Variants in PLEKHA5 observed in about 807,000 individuals in gnomAD.
The protein encoded by PLEKHA5 is pleckstrin homology domain containing A5, also known as pleckstrin homology domain-containing family A member 5.
A neutral mutation model predicts 181.9 loss-of-function variants in PLEKHA5; 55 were observed. The ratio of observed to expected loss-of-function variants is 0.30; its 90% CI spans 0.24 to 0.38. The LOEUF is 0.38. Among genes scored for constraint, PLEKHA5 ranks in the 10% least tolerant of loss-of-function variants. The pLI is 1.00. For missense variants in PLEKHA5, 1,432 were observed against 1,549.5 expected (o/e 0.92, Z 1.27); for synonymous variants, 535 against 529.4 (o/e 1.01, Z -0.15).
chr12:19,256,299 G>A (rs536593015), intron 5 of PLEKHA5, among the ~76,000 whole-genome samples: 2 of 152,286 alleles, frequency 1.3e-5, no homozygotes, highest in Admixed American at 6.5e-5. Flanking sequence ...TGGGTAAATA[G>A]GCATTCGGTT....
chr12:19,331,466 A>G (rs1301868725), intron 20 of PLEKHA5, among the ~76,000 whole-genome samples: 1 of 152,120 alleles, frequency 6.6e-6, no homozygotes, highest in Non-Finnish European at 1.5e-5. Context: ...CAGCCTCCCA[A>G]ACTGCTGGGA....
chr12:19,212,369 A>G (rs1036151455), intron 3 of PLEKHA5, among the ~76,000 whole-genome samples: 7 of 152,206 alleles, frequency 4.6e-5, no homozygotes, highest in African/African-American at 1.2e-4. Context: ...ATTACTTTCA[A>G]GTAAATGTAA....
At chr12:19,146,374 A>G (rs2038919755) in intron 3 of PLEKHA5, among the ~76,000 whole-genome samples, 2 of 151,930 alleles carry the variant, frequency 1.3e-5, no homozygotes, top group African/African-American at 4.8e-5. Context: ...GTGTTTTTCT[A>G]TTGAGTTATT....
intron 3 of PLEKHA5, among the ~76,000 whole-genome samples, chr12:19,208,052 G>A (rs1056738395): frequency 3.3e-5 from 5 of 152,058 alleles, no homozygotes; most frequent in African/African-American, 1.2e-4. Context: ...CTACTCTAGA[G>A]AACCTACTCT....
chr12:19,149,042 C>T (rs946707243), intron 3 of PLEKHA5, among the ~76,000 whole-genome samples: 1 of 152,162 alleles, frequency 6.6e-6, no homozygotes, highest in African/African-American at 2.4e-5. Context: ...TATAACACTT[C>T]CTTTCTGACC....
chr12:19,174,108 A>G (rs1799881130), intron 3 of PLEKHA5, among the ~76,000 whole-genome samples: 1 of 152,238 alleles, frequency 6.6e-6, no homozygotes, highest in South Asian at 2.1e-4. Context: ...GAGTAGAACC[A>G]TGAAAACCCA....
intron 14 of PLEKHA5, 75 bp from the exon 15 acceptor site, chr12:19,291,569 T>C: frequency 2.4e-6 from 2 of 846,778 alleles, no homozygotes; most frequent in South Asian, 3.2e-5. Flanking sequence ...CTGTTTTTCT[T>C]ATTCCAAAAT....
At chr12:19,258,226 C>T (rs1209675404) in intron 6 of PLEKHA5, among the ~76,000 whole-genome samples, 1 of 152,102 alleles carries the variant, frequency 6.6e-6, no homozygotes, top group Non-Finnish European at 1.5e-5. Context: ...ATTTTGACAT[C>T]ATTTCGATTA....
intron 3 of PLEKHA5, among the ~76,000 whole-genome samples, chr12:19,245,615 C>T: frequency 6.7e-6 from 1 of 148,802 alleles, no homozygotes; most frequent in African/African-American, 2.5e-5. Flanking sequence ...GTAATCCCAG[C>T]TACTCGGGAG....
Position 19,353,876 on chromosome 12 carries a change from A to ATT in PLEKHA5, c.3020-4_3020-3dup, listed in dbSNP as rs1323289721. 7.3e-7 allele frequency: 1 copy of ATT among 1,375,762 alleles called. No homozygotes were observed. Among genetic ancestry groups the ATT allele is most frequent in the African/African-American group, 1.4e-5 (1 of 70,114 alleles). 85.2% of individuals were successfully genotyped at this position (1,375,762 alleles called of 1,614,324 possible). On this transcript the variant is annotated splice_region_variant and splice_polypyrimidine_tract_variant and intron_variant, in intron 25 of 31. Coordinates refer to ENST00000429027, the MANE Select transcript of PLEKHA5 (RefSeq NM_001256470.2). ...TTTTGTAAAACTTACTGCTGTTTTA[A>ATT]TTTTTAGGTTCCCACTTTCCTGTTG...
rs1182198136 is a variant in PLEKHA5 at position 19,223,178 on chromosome 12, G to A, written c.228-30762G>A. Among the ~76,000 whole-genome samples, 3 of 151,774 alleles carry A rather than the reference G, an allele frequency of 2.0e-5. 1 individual carries two copies. The highest frequency in any genetic ancestry group is 2.0e-4 in the Admixed American group (3 of 15,228). ...TGTGTGCTCTGCTGTTGTCTCTAGG[G>A]TTGCCAAGACATTAACACACTCTCT... On this transcript the variant is annotated intron_variant, in intron 3 of 31. Transcript: ENST00000429027.
chr12:19,369,634 A>T, intron 30 of PLEKHA5, 59 bp from the exon 31 acceptor site: 1 of 995,414 alleles, frequency 1.0e-6, no homozygotes, highest in Non-Finnish European at 1.6e-6. Flanking sequence ...ATCAGGATTT[A>T]CTTCTCCAAA....
At chr12:19,176,025 T>A (rs1158835673) in intron 3 of PLEKHA5, among the ~76,000 whole-genome samples, 1 of 152,186 alleles carries the variant, frequency 6.6e-6, no homozygotes, top group Admixed American at 6.5e-5. Context: ...GTAATTCTGT[T>A]TCTGGGTCTA....
rs1375873497 is a variant in PLEKHA5 at position 19,283,619 on chromosome 12, T to C, written c.1653T>C (p.Pro551=). The C allele has an allele frequency of 1.9e-6, 3 of 1,614,028 alleles. No individual in the cohort carries two copies. The Admixed American group carries it at 5.0e-5, about 27-fold the overall frequency. The change falls in exon 12 of 32, where the codon CCT becomes CCC. Residue 551 remains proline, a synonymous_variant. Transcript: ENST00000429027. ...DQTMHSIPTS[P]SHGSIAAYQG... ...CAATGCACTCTATTCCCACATCACC[T>C]TCCCACGGGTCAATAGCTGCTTATC...
At chr12:19,325,394 C>T (rs1029283720) in intron 20 of PLEKHA5, among the ~76,000 whole-genome samples, 2 of 150,550 alleles carry the variant, frequency 1.3e-5, no homozygotes, top group South Asian at 2.1e-4. Flanking sequence ...AAAACAAAAT[C>T]GTTAATAATA....
intron 15 of PLEKHA5, chr12:19,306,608 G>A (rs1243023844): frequency 3.2e-6 from 3 of 931,188 alleles, no homozygotes; most frequent in East Asian, 2.5e-5. Context: ...GCCCAGTAGC[G>A]GAGGTGGTGG....
At chr12:19,197,537 C>A (rs2053119070) in intron 3 of PLEKHA5, among the ~76,000 whole-genome samples, 1 of 152,108 alleles carries the variant, frequency 6.6e-6, no homozygotes, top group Admixed American at 6.6e-5. Flanking sequence ...TTCTAATGTA[C>A]TACATCGTTT....
chr12:19,130,182 C>G lies in PLEKHA5; in HGVS notation c.169+52C>G, dbSNP rs552527926. 1 of 1,212,214 alleles carries G rather than the reference C, an allele frequency of 8.2e-7. No individual in the cohort carries two copies. The highest frequency in any genetic ancestry group is 1.1e-6 in the Non-Finnish European group (1 of 885,816). The allele number at this position is 1,212,214 out of a possible 1,614,324, so 75.1% of individuals were successfully genotyped here. On this transcript the variant is annotated intron_variant, in intron 2 of 31. Transcript: ENST00000429027. This position sits in a 1 kb window ranked among gnomAD's most constrained non-coding sequence, Gnocchi z 4.5. ...GCTCCGCCTGGAGGAGGCGGCAGAGCCCGGGCCGCCCGGCTCCCCGCAACC... is the reference window on the plus strand; with the variant it reads ...GCTCCGCCTGGAGGAGGCGGCAGAGGCCGGGCCGCCCGGCTCCCCGCAACC...
chr12:19,366,227 C>CA, intron 30 of PLEKHA5, 118 bp downstream of exon 30: 1 of 784,800 alleles, frequency 1.3e-6, no homozygotes, highest in Non-Finnish European at 2.1e-6. Context: ...ACAGATGAGT[C>CA]AACGTTTGCC....
Sources: gnomAD v4.1 joint callset for allele counts (sites outside exome capture counted in the v4.1 genomes callset) on GRCh38, gnomAD v4.1.1 for gene constraint, Gnocchi (gnomAD v3.1) non-coding constraint, MANE v1.5 for transcripts, NCBI Gene and HGNC (gene_info 2026-07-23, HGNC 2026-07-21) for gene names.